Variants in IL1RAP observed in about 807,000 individuals in gnomAD.
IL1RAP encodes interleukin-1 receptor accessory protein.
Under a neutral mutation model 60.7 loss-of-function variants are expected in IL1RAP, and 35 were observed. The ratio of observed to expected loss-of-function variants is 0.58; its 90% CI spans 0.44 to 0.76. The LOEUF is 0.76. IL1RAP is among the 30% of genes least tolerant of loss of function. The pLI is 0.00. For missense variants in IL1RAP, 572 were observed against 693.9 expected (o/e 0.82, Z 1.97); for synonymous variants, 268 against 250.9 (o/e 1.07, Z -0.64).
At chr3:190,598,196 GC>G (rs1729547283) in intron 3 of IL1RAP, among the ~76,000 whole-genome samples, 1 of 152,166 alleles carries the variant, frequency 6.6e-6, no homozygotes, top group South Asian at 2.1e-4. Context: ...TCAGGGAGAT[GC>G]TTTTGCAAAA....
At chr3:190,539,945 A>T (rs535415820) in intron 1 of IL1RAP, among the ~76,000 whole-genome samples, 106 of 152,012 alleles carry the variant, frequency 7.0e-4, no homozygotes, top group South Asian at 6.0e-3. Context: ...TATTTTTTTT[A>T]AAAAATATAT....
intron 1 of IL1RAP, among the ~76,000 whole-genome samples, chr3:190,533,934 G>A (rs1250883043): frequency 2.0e-5 from 3 of 151,874 alleles, no homozygotes; most frequent in Admixed American, 2.0e-4. Context: ...AGGCCAGGAG[G>A]TCAGGAGTGA....
chr3:190,595,385 C>T (rs1729290887), intron 3 of IL1RAP, among the ~76,000 whole-genome samples: 1 of 152,204 alleles, frequency 6.6e-6, no homozygotes, highest in Non-Finnish European at 1.5e-5. Context: ...CTGTGTTTGC[C>T]TCAGAAATGT....
At chr3:190,629,792 A>C in intron 9 of IL1RAP, 1 of 1,078,178 alleles carries the variant, frequency 9.3e-7, no homozygotes, top group African/African-American at 1.6e-5. Context: ...ATTAAAAACA[A>C]AGAAAATATT....
intron 1 of IL1RAP, among the ~76,000 whole-genome samples, chr3:190,520,162 G>A (rs1386634317): frequency 2.0e-5 from 3 of 152,142 alleles, no homozygotes; most frequent in Admixed American, 1.3e-4. Context: ...GGAAATGAAT[G>A]TGATATTTAC....
At chr3:190,554,779 C>T (rs73886475) in intron 1 of IL1RAP, 22,907 of 147,188 alleles carry the variant, frequency 0.16, 1,830 homozygotes, top group Middle Eastern at 0.19. Context: ...AACTTTGCTC[C>T]CTACCTGTGA....
chr3:190,640,165 C>T (rs1428813722), intron 9 of IL1RAP, among the ~76,000 whole-genome samples: 1 of 152,178 alleles, frequency 6.6e-6, no homozygotes, highest in Non-Finnish European at 1.5e-5. Flanking sequence ...TCAGTGTGAC[C>T]ACTTTCTCAT....
At chr3:190,617,945 A>C (rs1254224372) in intron 5 of IL1RAP, among the ~76,000 whole-genome samples, 4 of 152,230 alleles carry the variant, frequency 2.6e-5, no homozygotes, top group African/African-American at 9.6e-5. Context: ...AAACAGCTAT[A>C]AAAAGTTTCT....
intron 1 of IL1RAP, chr3:190,550,366 G>A (rs1390427265): frequency 6.6e-6 from 1 of 152,138 alleles, no homozygotes; most frequent in Non-Finnish European, 1.5e-5. Flanking sequence ...GCTTGAAATT[G>A]AGTTTGGGAC....
At chr3:190,603,222 T>G (rs1429387507) in intron 3 of IL1RAP, among the ~76,000 whole-genome samples, 1 of 152,234 alleles carries the variant, frequency 6.6e-6, no homozygotes, top group African/African-American at 2.4e-5. Context: ...TTTTGCAGAC[T>G]GTATTCCAGA....
At chr3:190,632,773 T>C (rs184817954) in intron 9 of IL1RAP, among the ~76,000 whole-genome samples, 56 of 152,318 alleles carry the variant, frequency 3.7e-4, no homozygotes, top group African/African-American at 1.3e-3. Flanking sequence ...TTTAATACTC[T>C]GAGGTACTGG....
intron 5 of IL1RAP, chr3:190,615,340 GAA>G (rs778172966): frequency 2.4e-6 from 3 of 1,264,516 alleles, no homozygotes; most frequent in African/African-American, 3.1e-5. Context: ...CAAACATATA[GAA>G]GTAAAGACAC....
At chr3:190,567,929 G>C (rs2108637972) in intron 3 of IL1RAP, among the ~76,000 whole-genome samples, 1 of 152,246 alleles carries the variant, frequency 6.6e-6, no homozygotes, top group Middle Eastern at 3.4e-3. Flanking sequence ...CTTTTGCTGT[G>C]CCTCATTGGC....
At chr3:190,571,095 A>G (rs1266740233) in intron 3 of IL1RAP, among the ~76,000 whole-genome samples, 1 of 152,190 alleles carries the variant, frequency 6.6e-6, no homozygotes, top group Non-Finnish European at 1.5e-5. Context: ...AGAGGAAAGA[A>G]AAAGAAAACA....
intron 3 of IL1RAP, among the ~76,000 whole-genome samples, chr3:190,571,994 A>C (rs1025885045): frequency 6.6e-6 from 1 of 152,202 alleles, no homozygotes; most frequent in African/African-American, 2.4e-5. Context: ...ATTGTTCCCA[A>C]GTGGATACCA....
In IL1RAP at chr3:190,604,292, C is replaced by G. The variant is rs1448946594; in HGVS notation, c.229C>G (p.Arg77Gly). The change falls in exon 4 of 12, where the codon CGG becomes GGG. Residue 77 changes from arginine to glycine, a missense_variant. Arg to Gly is a moderately radical substitution (Grantham distance 125). Coordinates refer to ENST00000447382, the MANE Select transcript of IL1RAP (RefSeq NM_002182.4). ...GATCTGGTATTGGACTAGGCAGGAC[C>G]GGGACCTTGAGGAGCCAATTAACTT... ...TLIWYWTRQD[R>G]DLEEPINFRL... is the part of the protein sequence containing the mutation. 3.1e-6 allele frequency: 5 copies of G among 1,613,876 alleles called. No homozygotes were observed. The highest frequency in any genetic ancestry group is 1.7e-4 in the Middle Eastern group (1 of 6,060).
At chr3:190,579,328 A>G (rs1727783872) in intron 3 of IL1RAP, among the ~76,000 whole-genome samples, 1 of 152,328 alleles carries the variant, frequency 6.6e-6, no homozygotes, top group South Asian at 2.1e-4. Context: ...ACTAACCATT[A>G]CAGGGATGAA....
rs1730099841 is a variant in IL1RAP at position 190,604,228 on chromosome 3, A to G, written c.165A>G (p.Lys55=). ...GCCCACTCTTTGAACACTTCTTGAA[A>G]TTCAACTACAGCACAGCCCATTCAG... ...IKCPLFEHFL[K]FNYSTAHSAG... Residue 55 remains lysine, a synonymous_variant, in exon 4 of 12, where the codon AAA becomes AAG. Transcript: ENST00000447382. The G allele has an allele frequency of 1.2e-6, 2 of 1,614,016 alleles. No homozygotes were observed. Among genetic ancestry groups the G allele is most frequent in the African/African-American group, 2.7e-5 (2 of 75,002 alleles).
downstream of IL1RAP, among the ~76,000 whole-genome samples, chr3:190,654,482 G>A (rs932790690): frequency 6.6e-6 from 1 of 152,150 alleles, no homozygotes; most frequent in African/African-American, 2.4e-5. Context: ...TCTTAAGAAT[G>A]AATGAAACAA....
Sources: gnomAD v4.1 joint callset for allele counts (sites outside exome capture counted in the v4.1 genomes callset) on GRCh38, gnomAD v4.1.1 for gene constraint, MANE v1.5 for transcripts, NCBI Gene and HGNC (gene_info 2026-07-23, HGNC 2026-07-21) for gene names.